PLGRKT: variants seen among roughly 807,000 people sequenced by gnomAD.
The protein encoded by PLGRKT is plasminogen receptor with a C-terminal lysine, also known as plasminogen receptor (KT).
In PLGRKT, 22 loss-of-function variants were observed where a neutral mutation model predicts 18.5. That is an observed-to-expected ratio of 1.19 (90% CI 0.85 to 1.70). The LOEUF is 1.70. Among genes scored for constraint, PLGRKT ranks in the 40% most tolerant of loss-of-function variants. The pLI, the probability that PLGRKT is intolerant of heterozygous loss-of-function variation, is 0.00. For missense variants in PLGRKT, 235 were observed against 174.4 expected (o/e 1.35, Z -1.96); for synonymous variants, 72 against 52.8 (o/e 1.36, Z -1.58).
intron 3 of PLGRKT, among the ~76,000 whole-genome samples, chr9:5,390,280 TA>T (rs1330231247): frequency 6.6e-6 from 1 of 151,378 alleles, no homozygotes; most frequent in Non-Finnish European, 1.5e-5. Flanking sequence ...CATGTAAAAT[TA>T]GGCCTGAAAA....
At chr9:5,397,356 A>C (rs973256564) in intron 3 of PLGRKT, among the ~76,000 whole-genome samples, 1 of 151,854 alleles carries the variant, frequency 6.6e-6, no homozygotes, top group African/African-American at 2.4e-5. Context: ...CTCTACATCC[A>C]GCTTTAGTGT....
chr9:5,426,194 T>A (rs369265744), intron 3 of PLGRKT, among the ~76,000 whole-genome samples: 4 of 152,270 alleles, frequency 2.6e-5, no homozygotes, highest in African/African-American at 7.2e-5. Flanking sequence ...ACTCAATACA[T>A]AGGGAGGAGA....
intron 3 of PLGRKT, among the ~76,000 whole-genome samples, chr9:5,424,824 C>T (rs754782945): frequency 3.3e-5 from 5 of 150,642 alleles, no homozygotes; most frequent in Admixed American, 6.6e-5. Flanking sequence ...CGAGCCACCA[C>T]GCCTGACTCA....
intron 3 of PLGRKT, among the ~76,000 whole-genome samples, chr9:5,400,964 CTT>C: frequency 6.6e-6 from 1 of 152,008 alleles, no homozygotes; most frequent in East Asian, 1.9e-4. Flanking sequence ...TGTTGGGAAA[CTT>C]TATCCTCAAA....
At chr9:5,391,279 C>G (rs1007700915) in intron 3 of PLGRKT, among the ~76,000 whole-genome samples, 7 of 151,894 alleles carry the variant, frequency 4.6e-5, no homozygotes, top group Admixed American at 3.3e-4. Context: ...GTTTATGGCA[C>G]TTGGTTTCTT....
intron 3 of PLGRKT, among the ~76,000 whole-genome samples, chr9:5,416,539 T>C (rs924752683): frequency 6.6e-6 from 1 of 152,068 alleles, no homozygotes; most frequent in Non-Finnish European, 1.5e-5. Context: ...ACAGAATTAA[T>C]AAATAATAAA....
chr9:5,369,952 TA>T (rs138748759), intron 3 of PLGRKT, among the ~76,000 whole-genome samples: 4,779 of 152,056 alleles, frequency 0.031, 259 homozygotes, highest in African/African-American at 0.11. Flanking sequence ...GTAGGGGGAC[TA>T]GGGGAGGGAT....
chr9:5,424,663 A>G (rs1818654128), intron 3 of PLGRKT, among the ~76,000 whole-genome samples: 1 of 112,930 alleles, frequency 8.9e-6, no homozygotes, highest in Non-Finnish European at 1.7e-5. Flanking sequence ...ATATAATTAT[A>G]TATTTTATAT....
chr9:5,425,307 G>C (rs532069557), intron 3 of PLGRKT, among the ~76,000 whole-genome samples: 305 of 152,156 alleles, frequency 2.0e-3, no homozygotes, highest in Non-Finnish European at 3.4e-3. Flanking sequence ...TCCTAACACA[G>C]GCTAGAAAGA....
chr9:5,368,843 A>G (rs1324411305), intron 3 of PLGRKT, among the ~76,000 whole-genome samples: 2 of 152,216 alleles, frequency 1.3e-5, no homozygotes, highest in Non-Finnish European at 2.9e-5. Flanking sequence ...CCTGACAAAA[A>G]CAAGCAATGG....
At chr9:5,433,182 G>T (rs9999157) in intron 2 of PLGRKT, among the ~76,000 whole-genome samples, 1 of 149,056 alleles carries the variant, frequency 6.7e-6, no homozygotes. Flanking sequence ...GCCTCTGCCC[G>T]GCCGCCACCC....
Position 5,422,012 on chromosome 9 carries a change from A to G in PLGRKT, c.81+9885T>C, listed in dbSNP as rs768508655. Among the ~76,000 whole-genome samples, 44 of 152,178 alleles carry G rather than the reference A, an allele frequency of 2.9e-4. 1 individual carries two copies. Among genetic ancestry groups the G allele is most frequent in the Admixed American group, 2.0e-4 (3 of 15,286 alleles). On this transcript the variant is annotated intron_variant, in intron 3 of 5. Coordinates refer to ENST00000223864, the MANE Select transcript of PLGRKT (RefSeq NM_018465.4). ...TATTCTGAAATTGCTAAATAAAAGG[A>G]CAGAATCAAGCATTTATTTTGTTTC...
At chr9:5,359,918 A>G (rs1817225960) in intron 5 of PLGRKT, among the ~76,000 whole-genome samples, 1 of 152,238 alleles carries the variant, frequency 6.6e-6, no homozygotes, top group African/African-American at 2.4e-5. Context: ...ACATAAAAAT[A>G]TGTATCATAA....
At chr9:5,437,427 C>G (rs747773046) in intron 1 of PLGRKT, among the ~76,000 whole-genome samples, 10 of 152,210 alleles carry the variant, frequency 6.6e-5, no homozygotes, top group South Asian at 2.1e-4. Context: ...CCAGAGCCCA[C>G]AGCTTCCGGA....
chr9:5,394,584 T>A (rs982171883), intron 3 of PLGRKT, among the ~76,000 whole-genome samples: 3 of 151,774 alleles, frequency 2.0e-5, no homozygotes, highest in African/African-American at 7.3e-5. Context: ...GGCTAATTTT[T>A]GTATTTTCAG....
chr9:5,386,774 T>C (rs1817852324), intron 3 of PLGRKT, among the ~76,000 whole-genome samples: 1 of 151,852 alleles, frequency 6.6e-6, no homozygotes, highest in Admixed American at 6.6e-5. Context: ...CCCATAATTA[T>C]CCTCTGAGTT....
chr9:5,405,890 A>C (rs1818246032), intron 3 of PLGRKT, among the ~76,000 whole-genome samples: 1 of 152,232 alleles, frequency 6.6e-6, no homozygotes. Context: ...AGAATCTACA[A>C]GGAACTTAAG....
chr9:5,411,395 A>AAAAG (rs1818362841), intron 3 of PLGRKT, among the ~76,000 whole-genome samples: 1 of 148,106 alleles, frequency 6.8e-6, no homozygotes, highest in Non-Finnish European at 1.5e-5. Context: ...AAAAAAAAAA[A>AAAAG]AAAAGAAAAG....
chr9:5,414,403 G>T (rs1818420376), intron 3 of PLGRKT, among the ~76,000 whole-genome samples: 1 of 152,152 alleles, frequency 6.6e-6, no homozygotes, highest in Non-Finnish European at 1.5e-5. Context: ...CCTGACTCCA[G>T]GTGATCTGCC....
Sources: allele counts gnomAD v4.1 joint callset (sites outside exome capture counted in the v4.1 genomes callset), GRCh38; gene constraint gnomAD v4.1.1; transcripts MANE v1.5; gene names NCBI Gene and HGNC (gene_info 2026-07-23, HGNC 2026-07-21).